VIRMA: variants seen among roughly 807,000 people sequenced by gnomAD.
VIRMA encodes protein virilizer homolog.
A neutral mutation model predicts 182.4 loss-of-function variants in VIRMA; 65 were observed. The ratio of observed to expected loss-of-function variants is 0.36; its 90% CI spans 0.29 to 0.44. The LOEUF (loss-of-function observed/expected upper bound fraction) is 0.44. Ranked by LOEUF, VIRMA falls within the 20% of genes least tolerant of loss-of-function variation. VIRMA has a pLI of 1.00. For missense variants in VIRMA, 1,752 were observed against 2,158.1 expected, an observed-to-expected ratio of 0.81 and a Z score of 3.73; for synonymous variants, 709 against 743.1, an observed-to-expected ratio of 0.95 and a Z score of 0.75.
chr8:94,534,777 ATTT>A (rs59429647), intron 5 of VIRMA, 59 bp downstream of exon 5: 2 of 1,366,188 alleles, frequency 1.5e-6, no homozygotes, highest in African/African-American at 1.5e-5. Flanking sequence ...TCTTCGAATT[ATTT>A]TTTTTTTTTA....
intron 23 of VIRMA, among the ~76,000 whole-genome samples, chr8:94,489,297 A>G (rs1182899023): frequency 6.6e-6 from 1 of 152,272 alleles, no homozygotes; most frequent in Non-Finnish European, 1.5e-5. Context: ...TAAAAATAAG[A>G]GCACATCACC....
chr8:94,519,344 A>G lies in VIRMA; in HGVS notation c.2154T>C (p.Leu718=), dbSNP rs1481369313. ...CTTCATATTCCGACATAAAAAAAAG[A>G]AGACCCTTCTGTGACTGTGCAAGAA... ...LKFLAQSQKG[L]LFFMSEYEAT... is the part of the protein sequence containing the mutation. The change falls in exon 9 of 24, where the codon CTT becomes CTC. Residue 718 remains leucine, a synonymous_variant. Coordinates refer to ENST00000297591, the MANE Select transcript of VIRMA (RefSeq NM_015496.5). 7.5e-6 allele frequency: 12 copies of G among 1,608,500 alleles called. No homozygotes were observed. The highest frequency in any genetic ancestry group is 9.3e-6 in the Non-Finnish European group (11 of 1,178,276).
At chr8:94,494,740 G>A in intron 20 of VIRMA, 120 bp downstream of exon 20, 1 of 614,682 alleles carries the variant, frequency 1.6e-6, no homozygotes, top group South Asian at 2.5e-5. Context: ...AATAATGTAG[G>A]ACTTGCTTCC....
At position 94,492,810 on chromosome 8, in the gene VIRMA, A is replaced by T; in HGVS notation, c.4650T>A (p.Val1550=). ...EIDTDLDLVK[V]DLIELSEKCC... is the part of the protein sequence containing the mutation. ...ATTTTTCAGAGAGTTCAATTAAGTCAACCTTTACCTGCAGTCATAATAATG... is the reference window on the plus strand; with the variant it reads ...ATTTTTCAGAGAGTTCAATTAAGTCTACCTTTACCTGCAGTCATAATAATG... The change falls in exon 21 of 24, where the codon GTT becomes GTA. Residue 1550 remains valine (V), a synonymous_variant. Transcript: ENST00000297591. 1 of 1,611,496 alleles carries T rather than the reference A, an allele frequency of 6.2e-7. No homozygotes were observed. Among genetic ancestry groups the T allele is most frequent in the Non-Finnish European group, 8.5e-7 (1 of 1,178,254 alleles).
intron 3 of VIRMA, 47 bp downstream of exon 3, chr8:94,538,213 C>G: frequency 8.3e-7 from 1 of 1,200,974 alleles, no homozygotes; most frequent in South Asian, 1.2e-5. Context: ...AAAGGTGTTG[C>G]TTACTAACTC....
chr8:94,532,263 T>C (rs868237689), intron 5 of VIRMA, among the ~76,000 whole-genome samples: 2 of 152,148 alleles, frequency 1.3e-5, no homozygotes, highest in Non-Finnish European at 2.9e-5. Flanking sequence ...TGCACCACCA[T>C]GCCCAGCAAA....
At chr8:94,524,153 C>A (rs1032239936) in intron 8 of VIRMA, among the ~76,000 whole-genome samples, 3 of 152,094 alleles carry the variant, frequency 2.0e-5, no homozygotes, top group Non-Finnish European at 2.9e-5. Flanking sequence ...CCATGCGCCA[C>A]CATGCCCCAC....
intron 15 of VIRMA, among the ~76,000 whole-genome samples, chr8:94,508,505 G>A (rs1451314133): frequency 6.6e-6 from 1 of 152,088 alleles, no homozygotes; most frequent in Admixed American, 6.6e-5. Flanking sequence ...CGAATCAGAA[G>A]GAAAACACAG....
chr8:94,532,708 G>A (rs1563476834), intron 5 of VIRMA, among the ~76,000 whole-genome samples: 2 of 152,148 alleles, frequency 1.3e-5, no homozygotes, highest in South Asian at 2.1e-4. Flanking sequence ...GCTCACACCT[G>A]TCAACCCAGT....
At chr8:94,531,371 T>C (rs1182457824) in intron 5 of VIRMA, among the ~76,000 whole-genome samples, 1 of 152,240 alleles carries the variant, frequency 6.6e-6, no homozygotes, top group Non-Finnish European at 1.5e-5. Flanking sequence ...GATAATCATG[T>C]TAAAGTATAA....
intron 1 of VIRMA, among the ~76,000 whole-genome samples, chr8:94,550,616 T>C (rs1366510651): frequency 6.6e-6 from 1 of 151,772 alleles, no homozygotes; most frequent in Non-Finnish European, 1.5e-5. Flanking sequence ...TTAAGTATTA[T>C]TGATCAAGTA....
At position 94,526,235 on chromosome 8, in the gene VIRMA, G is replaced by C. The variant is rs1275459094; in HGVS notation, c.2009C>G (p.Pro670Arg). Residue 670 changes from proline to arginine, a missense_variant, in exon 8 of 24, where the codon CCT becomes CGT. Physicochemically the swap from Pro to Arg is moderately radical, Grantham distance 103. Around this residue, in one of 11 missense-constraint regions of VIRMA, gnomAD observed 401 missense variants for 455.1 expected, o/e 0.88. Transcript: ENST00000297591. ...TGPPERDDPY[P>R]VLFRYLHSHH... ...AAACATGTCTTACCTAAAGAGAACA[G>C]GGTATGGATCATCCCTCTCTGGAGG... The C allele has an allele frequency of 6.2e-7, 1 of 1,608,746 alleles. No individual in the cohort carries two copies. The highest frequency in any genetic ancestry group is 1.1e-5 in the South Asian group (1 of 90,296).
intron 2 of VIRMA, among the ~76,000 whole-genome samples, chr8:94,542,265 A>G (rs1178568886): frequency 6.6e-6 from 1 of 152,226 alleles, no homozygotes; most frequent in Non-Finnish European, 1.5e-5. Flanking sequence ...TTTCTTGGGC[A>G]TGCCCTCTCA....
At chr8:94,513,168 T>C (rs1478364100) in intron 11 of VIRMA, among the ~76,000 whole-genome samples, 3 of 152,104 alleles carry the variant, frequency 2.0e-5, no homozygotes, top group Non-Finnish European at 4.4e-5. Flanking sequence ...TGGAACCTTG[T>C]CTCTACTAAA....
At chr8:94,515,141 G>C (rs941449920) in intron 10 of VIRMA, among the ~76,000 whole-genome samples, 190 bp from the exon 11 acceptor site, 1 of 151,238 alleles carries the variant, frequency 6.6e-6, no homozygotes, top group African/African-American at 2.4e-5. Flanking sequence ...TGTTGCACAG[G>C]CTGGAGTACA....
chr8:94,537,529 C>G (rs1409156738), intron 3 of VIRMA, among the ~76,000 whole-genome samples: 2 of 151,896 alleles, frequency 1.3e-5, no homozygotes, highest in African/African-American at 2.4e-5. Flanking sequence ...CCCCCAAATA[C>G]TAAAAATTAC....
rs1015632043 is a variant in VIRMA at position 94,491,692 on chromosome 8, G to A, written c.5026C>T (p.Arg1676Trp). 5 of 1,614,130 alleles carry A rather than the reference G, an allele frequency of 3.1e-6. No homozygotes were observed. The highest frequency in any genetic ancestry group is 1.7e-5 in the Admixed American group (1 of 60,004). Reference protein sequence around the residue: ...VPQDGIPPPKRPLKVSQKISS... With the variant: ...VPQDGIPPPKWPLKVSQKISS... The stretch of plus-strand genomic sequence containing the variant: ...ATCTTCTGTGATACTTTGAGTGGCC[G>A]TTTTGGTGGAGGTATTCCATCTTGA... The change falls in exon 22 of 24, where the codon CGG (arginine) becomes TGG (tryptophan). Residue 1676 changes from arginine (R) to tryptophan (W), a missense_variant. Physicochemically the swap from Arg to Trp is moderately radical, Grantham distance 101 (BLOSUM62 -3). This residue lies in a region of VIRMA where 12 missense variants were observed against 24.2 expected (regional missense o/e 0.50). Transcript: ENST00000297591.
intron 9 of VIRMA, 24 bp from the exon 10 acceptor site, chr8:94,517,966 G>A (rs1245819751): frequency 1.3e-6 from 2 of 1,579,110 alleles, no homozygotes; most frequent in South Asian, 2.3e-5. Flanking sequence ...AGGTTTTTAA[G>A]TTTTGGATAC....
In VIRMA at chr8:94,519,442, T is replaced by C. The variant is rs748199368; in HGVS notation, c.2056A>G (p.Thr686Ala). The change falls in exon 9 of 24, where the codon ACC becomes GCC. Residue 686 changes from threonine (T) to alanine (A), a missense_variant. Transcript: ENST00000297591. ...LHSHHFLELV[T>A]LLLSIPVTSA... Reference sequence around the variant, plus strand: ...GTTACTGGAATTGACAGAAGCAAGGTAACCAACTCCAAGAAGTGATGACTG... The same window carrying C: ...GTTACTGGAATTGACAGAAGCAAGGCAACCAACTCCAAGAAGTGATGACTG... The C allele has an allele frequency of 6.5e-7, 1 of 1,526,946 alleles. No homozygotes were observed. The allele number at this position is 1,526,946 out of a possible 1,614,324, so 94.6% of individuals were successfully genotyped here. A position where few individuals can be genotyped will look rare whatever the true frequency, so the allele number is the denominator to read the frequency against.
Sources: gnomAD v4.1 joint callset for allele counts (sites outside exome capture counted in the v4.1 genomes callset) on GRCh38, gnomAD v4.1.1 for gene constraint, gnomAD v4.1.1 regional missense constraint, MANE v1.5 for transcripts, NCBI Gene and HGNC (gene_info 2026-07-23, HGNC 2026-07-21) for gene names.